The following C12orf42 variants were observed in gnomAD, a reference collection of about 807,000 sequenced individuals.
C12orf42 encodes chromosome 12 open reading frame 42.
In C12orf42, 25 loss-of-function variants were observed where a neutral mutation model predicts 21.6. That is an observed-to-expected ratio of 1.16 (90% CI 0.84 to 1.62). The LOEUF (loss-of-function observed/expected upper bound fraction) is 1.62, where lower values mean the gene tolerates loss of function less well. Ranked by LOEUF, C12orf42 falls within the 40% of genes most tolerant of loss-of-function variation. The pLI is 0.00. For missense variants in C12orf42, 483 were observed against 459.3 expected (o/e 1.05, Z -0.47); for synonymous variants, 174 against 175.0 (o/e 0.99, Z 0.05).
upstream of C12orf42, among the ~76,000 whole-genome samples, chr12:103,498,903 A>G (rs1352786687): frequency 6.6e-6 from 1 of 152,034 alleles, no homozygotes; most frequent in Non-Finnish European, 1.5e-5. Flanking sequence ...GGGCATTAGG[A>G]AAAATAGCTA....
the C12orf42 span, among the ~76,000 whole-genome samples, chr12:103,229,657 T>C: frequency 2.6e-5 from 4 of 152,216 alleles, no homozygotes; most frequent in Admixed American, 6.5e-5. Flanking sequence ...CACATTTTTA[T>C]TTTCCATCCA....
the C12orf42 span, among the ~76,000 whole-genome samples, chr12:103,228,539 G>T: frequency 2.6e-5 from 4 of 152,120 alleles, no homozygotes; most frequent in Non-Finnish European, 4.4e-5. Context: ...GCTTGGCTTG[G>T]GCTCAGAGGC....
chr12:103,244,215 T>A (rs1202184858), intron 10 of C12orf42, among the ~76,000 whole-genome samples: 9 of 152,116 alleles, frequency 5.9e-5, no homozygotes, highest in Non-Finnish European at 1.3e-4. Context: ...CGGATCCTAA[T>A]CCCTGGCCTG....
intron 4 of C12orf42, among the ~76,000 whole-genome samples, chr12:103,313,910 C>T (rs536235011): frequency 6.6e-6 from 1 of 152,290 alleles, no homozygotes. Context: ...CAAATGTATG[C>T]CCTCATGGGG....
chr12:103,232,767 C>T (rs528450075), downstream of C12orf42, among the ~76,000 whole-genome samples: 17 of 149,776 alleles, frequency 1.1e-4, no homozygotes, highest in South Asian at 2.1e-3. Flanking sequence ...GTCTATGATA[C>T]ATTTTTAATT....
At chr12:103,092,848 C>T in the C12orf42 span, among the ~76,000 whole-genome samples, 3 of 152,302 alleles carry the variant, frequency 2.0e-5, no homozygotes, top group South Asian at 6.2e-4. Context: ...ATAGCAAGAA[C>T]GATTCTTTGC....
At chr12:103,280,070 G>A (rs1371182409) in intron 4 of C12orf42, among the ~76,000 whole-genome samples, 1 of 152,124 alleles carries the variant, frequency 6.6e-6, no homozygotes, top group Admixed American at 6.6e-5. Context: ...AATTAACATT[G>A]AATATGTACA....
chr12:103,337,579 C>G (rs1433843472), intron 4 of C12orf42, among the ~76,000 whole-genome samples: 1 of 152,154 alleles, frequency 6.6e-6, no homozygotes, highest in Non-Finnish European at 1.5e-5. Flanking sequence ...GTCTCAATCT[C>G]CTGATCTCGT....
intron 5 of C12orf42, chr12:103,269,888 A>G (rs1371676642): frequency 2.0e-5 from 3 of 152,212 alleles, no homozygotes; most frequent in African/African-American, 7.2e-5. Context: ...AGGGATATTC[A>G]AGGCACTGGG....
At chr12:103,111,218 AC>A in the C12orf42 span, among the ~76,000 whole-genome samples, 10 of 152,342 alleles carry the variant, frequency 6.6e-5, no homozygotes, top group South Asian at 1.7e-3. Context: ...GTAAAAAAAA[AC>A]ACTTGTTCTC....
At chr12:103,055,277 T>C in the C12orf42 span, among the ~76,000 whole-genome samples, 2 of 151,902 alleles carry the variant, frequency 1.3e-5, no homozygotes, top group Non-Finnish European at 2.9e-5. Context: ...TGATTTTATA[T>C]TGAGTTGTGA....
chr12:103,402,527 A>T (rs2048088291), intron 2 of C12orf42, among the ~76,000 whole-genome samples: 1 of 152,196 alleles, frequency 6.6e-6, no homozygotes, highest in Non-Finnish European at 1.5e-5. Context: ...CCCCCAAAAA[A>T]TCTGTCACCA....
At chr12:103,152,778 A>G in the C12orf42 span, among the ~76,000 whole-genome samples, 1 of 146,930 alleles carries the variant, frequency 6.8e-6, no homozygotes, top group East Asian at 1.9e-4. Context: ...ATGAAAAAGC[A>G]GACACATGTG....
chr12:103,503,232 A>G, the C12orf42 span: 1 of 152,218 alleles, frequency 6.6e-6, no homozygotes, highest in Non-Finnish European at 1.5e-5. Context: ...ACTGTCACCA[A>G]GAATTTTAAG....
At chr12:103,137,464 A>G in the C12orf42 span, among the ~76,000 whole-genome samples, 1 of 152,268 alleles carries the variant, frequency 6.6e-6, no homozygotes, top group East Asian at 1.9e-4. Flanking sequence ...AGATTTCTAA[A>G]AAAAAACTAA....
At chr12:103,474,920 T>G (rs12298824) in intron 2 of C12orf42, among the ~76,000 whole-genome samples, 32,002 of 152,124 alleles carry the variant, frequency 0.21, 3,871 homozygotes, top group East Asian at 0.36. Context: ...ATAGACAAAG[T>G]TTTAGAGACC....
At chr12:103,355,073 A>C (rs190783164) in intron 4 of C12orf42, among the ~76,000 whole-genome samples, 2 of 152,234 alleles carry the variant, frequency 1.3e-5, no homozygotes, top group East Asian at 3.9e-4. Context: ...AAAAATAATA[A>C]ATATTTGTTG....
the C12orf42 span, among the ~76,000 whole-genome samples, chr12:103,079,061 C>T: frequency 6.6e-6 from 1 of 152,156 alleles, no homozygotes. Flanking sequence ...ATTATTTACT[C>T]TTTATAAAAT....
intron 3 of C12orf42, among the ~76,000 whole-genome samples, chr12:103,376,205 A>G (rs1459205164): frequency 2.6e-5 from 4 of 152,206 alleles, no homozygotes; most frequent in African/African-American, 9.6e-5. Context: ...GCACATATAT[A>G]CTACGGAATA....
Sources: allele counts gnomAD v4.1 joint callset (sites outside exome capture counted in the v4.1 genomes callset), GRCh38; gene constraint gnomAD v4.1.1; transcripts MANE v1.5; gene names NCBI Gene and HGNC (gene_info 2026-07-23, HGNC 2026-07-21).